KCNIP1: variants seen among roughly 807,000 people sequenced by gnomAD.
The protein encoded by KCNIP1 is potassium voltage-gated channel interacting protein 1.
A neutral mutation model predicts 33.0 loss-of-function variants in KCNIP1; 18 were observed. The observed-to-expected ratio is 0.55, with a 90% CI of 0.38 to 0.81. The LOEUF (loss-of-function observed/expected upper bound fraction) is 0.81. Among genes scored for constraint, KCNIP1 ranks in the 30% least tolerant of loss-of-function variants. KCNIP1 has a pLI of 0.00. For missense variants in KCNIP1, 238 were observed against 271.6 expected, an observed-to-expected ratio of 0.88 and a Z score of 0.87; for synonymous variants, 93 against 98.3, an observed-to-expected ratio of 0.95 and a Z score of 0.32.
intron 1 of KCNIP1, among the ~76,000 whole-genome samples, chr5:170,400,720 A>G (rs1270183794): frequency 6.6e-6 from 1 of 152,238 alleles, no homozygotes; most frequent in African/African-American, 2.4e-5. Context: ...AGGTGGAAAC[A>G]CAGCATTTCT....
chr5:170,490,059 T>TG (rs750004230), intron 1 of KCNIP1, among the ~76,000 whole-genome samples: 19 of 152,298 alleles, frequency 1.2e-4, no homozygotes, highest in Non-Finnish European at 2.1e-4. Context: ...GGGCTCAAGG[T>TG]GGGGGCAACA....
At chr5:170,421,933 C>T (rs1449798343) in intron 1 of KCNIP1, 1 of 152,192 alleles carries the variant, frequency 6.6e-6, no homozygotes, top group Admixed American at 6.5e-5. Flanking sequence ...TTAAACACAA[C>T]TTTGTGTGAA....
chr5:170,599,393 T>C (rs913290309), intron 1 of KCNIP1, among the ~76,000 whole-genome samples: 2 of 152,136 alleles, frequency 1.3e-5, no homozygotes, highest in Admixed American at 6.6e-5. Context: ...AATGTCATGA[T>C]GGCATCTGAT....
intron 1 of KCNIP1, among the ~76,000 whole-genome samples, chr5:170,401,874 C>T (rs1334994933): frequency 6.6e-6 from 1 of 152,134 alleles, no homozygotes; most frequent in Non-Finnish European, 1.5e-5. Context: ...TGACACAAAT[C>T]ACTACAAACT....
At chr5:170,449,998 A>C (rs937708457) in intron 1 of KCNIP1, among the ~76,000 whole-genome samples, 7 of 152,198 alleles carry the variant, frequency 4.6e-5, no homozygotes, top group Non-Finnish European at 1.0e-4. Flanking sequence ...CTCAGAGTAA[A>C]TAACAAGGAA....
At chr5:170,487,906 G>A (rs960812865) in intron 1 of KCNIP1, among the ~76,000 whole-genome samples, 2 of 152,120 alleles carry the variant, frequency 1.3e-5, no homozygotes, top group South Asian at 2.1e-4. Flanking sequence ...TCTGCATGTT[G>A]TTCATGCTGG....
intron 1 of KCNIP1, among the ~76,000 whole-genome samples, chr5:170,660,442 C>A (rs945105062): frequency 1.3e-5 from 2 of 151,500 alleles, no homozygotes; most frequent in African/African-American, 2.4e-5. Context: ...GGGTTTGGAG[C>A]ATAACACTTT....
chr5:170,472,482 G>A (rs188651601), intron 1 of KCNIP1, among the ~76,000 whole-genome samples: 20 of 152,280 alleles, frequency 1.3e-4, no homozygotes, highest in East Asian at 3.9e-4. Context: ...TTGGTTACAT[G>A]AGTAAGTTCT....
chr5:170,597,376 C>A (rs1487615652), intron 1 of KCNIP1, among the ~76,000 whole-genome samples: 1 of 152,172 alleles, frequency 6.6e-6, no homozygotes, highest in Non-Finnish European at 1.5e-5. Context: ...CCACAAACCA[C>A]CTAAGTGAAA....
At chr5:170,688,753 A>T (rs1762624047) in intron 1 of KCNIP1, among the ~76,000 whole-genome samples, 2 of 152,204 alleles carry the variant, frequency 1.3e-5, no homozygotes, top group South Asian at 4.1e-4. Flanking sequence ...GCCCAGAGGG[A>T]GAGCCCTAAG....
intron 1 of KCNIP1, among the ~76,000 whole-genome samples, chr5:170,414,381 G>C (rs1477723765): frequency 1.3e-5 from 2 of 152,184 alleles, no homozygotes; most frequent in African/African-American, 2.4e-5. Flanking sequence ...ACAGACTGTA[G>C]CCTACACTTG....
chr5:170,732,662 C>A, intron 5 of KCNIP1, 138 bp from the exon 6 acceptor site: 2 of 598,278 alleles, frequency 3.3e-6, no homozygotes, highest in Middle Eastern at 7.5e-4. Flanking sequence ...CTTCTAACTC[C>A]CTATCACCTG....
At chr5:170,522,466 A>T (rs1265753891) in intron 1 of KCNIP1, among the ~76,000 whole-genome samples, 1 of 152,302 alleles carries the variant, frequency 6.6e-6, no homozygotes, top group Admixed American at 6.5e-5. Flanking sequence ...TGGCAGTTGC[A>T]TTTCTCATTG....
intron 1 of KCNIP1, among the ~76,000 whole-genome samples, chr5:170,555,443 T>C (rs1756811513): frequency 6.6e-6 from 1 of 152,208 alleles, no homozygotes; most frequent in South Asian, 2.1e-4. Context: ...GTCAGTGTTA[T>C]CATTCCATAT....
upstream of KCNIP1, among the ~76,000 whole-genome samples, chr5:170,500,640 C>T (rs890884496): frequency 6.6e-6 from 1 of 152,226 alleles, no homozygotes; most frequent in South Asian, 2.1e-4. Flanking sequence ...TCATCTTTCT[C>T]TCTTGCCCCT....
chr5:170,385,191 G>T, intron 1 of KCNIP1: 2 of 1,074,474 alleles, frequency 1.9e-6, no homozygotes, highest in Non-Finnish European at 2.8e-6. Flanking sequence ...AATGAGCATC[G>T]TCTTGACCCT....
intron 1 of KCNIP1, among the ~76,000 whole-genome samples, chr5:170,524,250 C>T (rs1432192110): frequency 3.3e-5 from 5 of 152,182 alleles, no homozygotes; most frequent in African/African-American, 4.8e-5. Flanking sequence ...AAGCTGCCAA[C>T]GCTCCAGCAC....
At chr5:170,663,386 A>G (rs1761572921) in intron 1 of KCNIP1, among the ~76,000 whole-genome samples, 1 of 152,150 alleles carries the variant, frequency 6.6e-6, no homozygotes, top group Non-Finnish European at 1.5e-5. Flanking sequence ...TGTTTCAGTA[A>G]GAGAAAGGAG....
intron 1 of KCNIP1, among the ~76,000 whole-genome samples, chr5:170,654,630 A>C (rs1420853507): frequency 6.6e-6 from 1 of 152,222 alleles, no homozygotes; most frequent in Non-Finnish European, 1.5e-5. Flanking sequence ...TTTCCCATGC[A>C]GATATTACCT....
Sources: allele counts gnomAD v4.1 joint callset (sites outside exome capture counted in the v4.1 genomes callset), GRCh38; gene constraint gnomAD v4.1.1; transcripts MANE v1.5; gene names NCBI Gene and HGNC (gene_info 2026-07-23, HGNC 2026-07-21).